The following PACSIN1 variants were observed in gnomAD, a reference collection of about 807,000 sequenced individuals.
The protein encoded by PACSIN1 is protein kinase C and casein kinase substrate in neurons protein 1.
Under a neutral mutation model 59.5 loss-of-function variants are expected in PACSIN1, and 15 were observed. The ratio of observed to expected loss-of-function variants is 0.25; its 90% confidence interval spans 0.17 to 0.39. PACSIN1 has a LOEUF of 0.39. Ranked by LOEUF, PACSIN1 falls within the 10% of genes least tolerant of loss-of-function variation. The pLI is 1.00. For missense variants in PACSIN1, 420 were observed against 580.2 expected, an observed-to-expected ratio of 0.72 and a Z score of 2.84; for synonymous variants, 210 against 220.6, an observed-to-expected ratio of 0.95 and a Z score of 0.42.
intron 1 of PACSIN1, among the ~76,000 whole-genome samples, chr6:34,478,453 A>G (rs1581957933): frequency 7.1e-6 from 1 of 140,486 alleles, no homozygotes; most frequent in Non-Finnish European, 1.5e-5. Flanking sequence ...GCTCACTTCA[A>G]CCTCCGACTC....
chr6:34,510,812 A>C (rs1705646897), intron 1 of PACSIN1, among the ~76,000 whole-genome samples: 2 of 152,216 alleles, frequency 1.3e-5, no homozygotes, highest in African/African-American at 4.8e-5. Flanking sequence ...TCCTGGGTTC[A>C]GGCAATTCTC....
chr6:34,516,053 GC>G lies in PACSIN1; in HGVS notation c.-63-10189del, dbSNP rs1767286164. ...ACCTTGGGTGGCATAGGGAGGAGAT[GC>G]TAGCCTGCAAGGGGCAGAAGGTTGA... On this transcript the variant is annotated intron_variant, in intron 1 of 9. Coordinates refer to ENST00000244458, the MANE Select transcript of PACSIN1 (RefSeq NM_020804.5). This position sits in a 1 kb window ranked among gnomAD's most constrained non-coding sequence, Gnocchi z 5.4. Among the ~76,000 whole-genome samples, 1 of 152,162 alleles carries G rather than the reference GC, an allele frequency of 6.6e-6. No homozygotes were observed. The highest frequency in any genetic ancestry group is 1.5e-5 in the Non-Finnish European group (1 of 68,010).
rs565200166 is a variant in PACSIN1, at chr6:34,529,386, C to T, written c.457-11C>T. 6.2e-7 allele frequency: 1 copy of T among 1,614,098 alleles called. No homozygotes were observed. Among genetic ancestry groups the T allele is most frequent in the Non-Finnish European group, 8.5e-7 (1 of 1,180,008 alleles). The stretch of plus-strand genomic sequence containing the variant: ...ATGAAAACCCTACTCCCTATTCCCC[C>T]CTCCCCACAGCTGGAGGCAGCCAAG... On this transcript the variant is annotated splice_polypyrimidine_tract_variant and intron_variant, in intron 4 of 9. Transcript: ENST00000244458. The surrounding 1 kb of genome is among the most constrained non-coding windows in gnomAD (Gnocchi z 6.3).
intron 2 of PACSIN1, 131 bp from the exon 3 acceptor site, chr6:34,527,201 G>C (rs1767503413): frequency 1.1e-6 from 1 of 940,972 alleles, no homozygotes; most frequent in Non-Finnish European, 1.4e-6. Context: ...GGCGGGGGCG[G>C]GGGCGGGGAC....
intron 2 of PACSIN1, among the ~76,000 whole-genome samples, chr6:34,526,850 G>A (rs1169644481): frequency 6.6e-6 from 1 of 152,138 alleles, no homozygotes; most frequent in African/African-American, 2.4e-5. Flanking sequence ...AAAAAAAATT[G>A]CTATTGGCTC....
rs1468731772 is a variant in PACSIN1 at position 34,534,621 on chromosome 6, G to C, written c.*2091G>C. ...CCAGCGGCTTCCCAGCACCTGGGAG[G>C]GGCTGCAGCCCCAGCTGGACTCCAG... On this transcript the variant is annotated 3_prime_UTR_variant, in exon 10 of 10. Coordinates refer to ENST00000244458, the MANE Select transcript of PACSIN1 (RefSeq NM_020804.5). The C allele has an allele frequency of 6.5e-6, 1 of 152,728 alleles. No individual in the cohort carries two copies. Among genetic ancestry groups the C allele is most frequent in the Non-Finnish European group, 1.5e-5 (1 of 68,142 alleles). The allele number at this position is 152,728 out of a possible 1,614,324, so 9.5% of individuals were successfully genotyped here.
intron 1 of PACSIN1, among the ~76,000 whole-genome samples, chr6:34,468,241 C>A (rs1454665640): frequency 6.6e-6 from 1 of 152,176 alleles, no homozygotes; most frequent in Non-Finnish European, 1.5e-5. Context: ...AACAAGGGTT[C>A]TGGCTTAGCC....
At chr6:34,520,393 C>A (rs1012728758) in intron 1 of PACSIN1, among the ~76,000 whole-genome samples, 4 of 152,288 alleles carry the variant, frequency 2.6e-5, no homozygotes, top group African/African-American at 9.6e-5. Flanking sequence ...CTGAGCTGAG[C>A]CTGTTCCGTG....
intron 1 of PACSIN1, among the ~76,000 whole-genome samples, chr6:34,503,467 C>T (rs546749006): frequency 6.6e-6 from 1 of 152,262 alleles, no homozygotes; most frequent in Non-Finnish European, 1.5e-5. Context: ...GTATCGTCAG[C>T]ACCGTTAGCC....
chr6:34,474,100 A>G (rs1308229670), intron 1 of PACSIN1, among the ~76,000 whole-genome samples: 2 of 152,080 alleles, frequency 1.3e-5, no homozygotes, highest in African/African-American at 2.4e-5. Context: ...TTTGCAGTTT[A>G]TCTATGGGAG....
At chr6:34,519,994 G>A (rs1767359611) in intron 1 of PACSIN1, among the ~76,000 whole-genome samples, 1 of 152,150 alleles carries the variant, frequency 6.6e-6, no homozygotes, top group Non-Finnish European at 1.5e-5. Flanking sequence ...GGGAGGGGTA[G>A]GCGAGGGCTG....
intron 1 of PACSIN1, among the ~76,000 whole-genome samples, chr6:34,504,270 GTATA>G (rs869143444): frequency 2.8e-4 from 38 of 134,380 alleles, no homozygotes; most frequent in East Asian, 6.2e-4. Context: ...GTGTGTGTGT[GTATA>G]TATATATATA....
chr6:34,525,910 A>G lies in PACSIN1; in HGVS notation c.-63-333A>G, dbSNP rs960159782. ...GCATTTACAGGGTCCCGGGGCTCAG[A>G]TAACTGAGGAGGCGCTGAGCCTGGG... is the stretch of plus-strand genomic sequence containing the variant. On this transcript the variant is annotated intron_variant, in intron 1 of 9. Transcript: ENST00000244458. The surrounding 1 kb of genome is among the most constrained non-coding windows in gnomAD (Gnocchi z 4.9). 2.6e-5 allele frequency among the ~76,000 whole-genome samples: 4 copies of G among 152,086 alleles called. No individual in the cohort carries two copies. Among genetic ancestry groups the G allele is most frequent in the African/African-American group, 9.7e-5 (4 of 41,408 alleles).
rs951284411 is a variant in PACSIN1 at position 34,515,305 on chromosome 6, T to A, written c.-63-10938T>A. On this transcript the variant is annotated intron_variant, in intron 1 of 9. Coordinates refer to ENST00000244458, the MANE Select transcript of PACSIN1 (RefSeq NM_020804.5). This position sits in a 1 kb window ranked among gnomAD's most constrained non-coding sequence, Gnocchi z 4.4. ...TGTCCCTGTTGCCTTTCCTCCTCTG[T>A]ACCTCTTGTCTCCACCACTGCCACA... 7.2e-5 allele frequency among the ~76,000 whole-genome samples: 11 copies of A among 152,146 alleles called. No homozygotes were observed. The highest frequency in any genetic ancestry group is 2.7e-4 in the African/African-American group (11 of 41,450).
chr6:34,520,083 G>T (rs1767361490), intron 1 of PACSIN1, among the ~76,000 whole-genome samples: 2 of 152,076 alleles, frequency 1.3e-5, no homozygotes, highest in Admixed American at 6.5e-5. Context: ...TTGGGGAGGG[G>T]TGAGTGATGG....
At chr6:34,468,899 G>GAGTC (rs920088427) in intron 1 of PACSIN1, among the ~76,000 whole-genome samples, 15 of 151,056 alleles carry the variant, frequency 9.9e-5, no homozygotes, top group Middle Eastern at 3.4e-3. Flanking sequence ...CTTGTGGAGT[G>GAGTC]AGTGACTGTT....
intron 1 of PACSIN1, among the ~76,000 whole-genome samples, chr6:34,522,809 A>C (rs1007813435): frequency 2.6e-5 from 4 of 152,224 alleles, no homozygotes; most frequent in African/African-American, 9.6e-5. Flanking sequence ...CCCGAGTCCA[A>C]AGGCCACAGA....
intron 1 of PACSIN1, among the ~76,000 whole-genome samples, chr6:34,497,041 C>T (rs944357856): frequency 2.1e-4 from 32 of 151,090 alleles, no homozygotes; most frequent in Non-Finnish European, 4.3e-4. Context: ...CTCCACCTCC[C>T]GGGTTCAAGC....
chr6:34,526,348 AC>A lies in PACSIN1; in HGVS notation c.45del (p.Thr16ProfsTer14). 6.2e-7 allele frequency: 1 copy of A among 1,612,100 alleles called. No homozygotes were observed. Reference protein sequence around the residue: ...YDEASLAPEETTDSFWEVGNY... With the variant: ...YDEASLAPEEXTDSFWEVGNY... ...TGAGGCCTCACTGGCGCCAGAGGAG[AC>A]CACCGACAGCTTCTGGGAGGTGAGG... is the stretch of plus-strand genomic sequence containing the variant. On this transcript the variant is annotated frameshift_variant, in exon 2 of 10. Transcript: ENST00000244458. LOFTEE classifies it high-confidence loss of function.
Sources: gnomAD v4.1 joint callset for allele counts (sites outside exome capture counted in the v4.1 genomes callset) on GRCh38, gnomAD v4.1.1 for gene constraint, Gnocchi (gnomAD v3.1) non-coding constraint, MANE v1.5 for transcripts, NCBI Gene and HGNC (gene_info 2026-07-23, HGNC 2026-07-21) for gene names.